VPS54: variants seen among roughly 807,000 people sequenced by gnomAD.
VPS54 encodes the protein vacuolar protein sorting-associated protein 54.
A neutral mutation model predicts 121.5 loss-of-function variants in VPS54; 45 were observed. The ratio of observed to expected loss-of-function variants is 0.37; its 90% CI spans 0.29 to 0.47. VPS54 has a LOEUF of 0.47. Ranked by LOEUF, VPS54 falls within the 20% of genes least tolerant of loss-of-function variation. The probability of loss-of-function intolerance (pLI) is 0.99; values close to 1 mark genes in which losing one functional copy is unlikely to be tolerated. For synonymous variants in VPS54, 371 were observed against 385.8 expected (o/e 0.96, Z 0.45); for missense variants, 1,090 against 1,131.4 (o/e 0.96, Z 0.52).
At chr2:63,938,902 T>C (rs1310597611) in intron 11 of VPS54, among the ~76,000 whole-genome samples, 2 of 152,174 alleles carry the variant, frequency 1.3e-5, no homozygotes, top group Non-Finnish European at 2.9e-5. Flanking sequence ...ATCAGTTAAG[T>C]TTTATGTTTA....
At chr2:63,917,017 G>A (rs1673412412) in intron 15 of VPS54, 54 bp from the exon 16 acceptor site, 1 of 1,576,042 alleles carries the variant, frequency 6.3e-7, no homozygotes, top group Admixed American at 1.7e-5. Flanking sequence ...AAACAAAATA[G>A]AGAAAAAGCT....
Position 63,893,065 on chromosome 2 carries a change from A to C in VPS54, c.*365T>G, listed in dbSNP as rs1433604415. On this transcript the variant is annotated 3_prime_UTR_variant, in exon 23 of 23. Transcript: ENST00000272322. The stretch of plus-strand genomic sequence containing the variant: ...TGGGACACCATATGAATTTCATTGC[A>C]CTGGAAGAAATGCAAAGCATTTTTT... The C allele has an allele frequency of 1.5e-5, 3 of 194,296 alleles. No individual in the cohort carries two copies. The East Asian group carries it at 4.0e-4, about 26-fold the overall frequency. The allele number at this position is 194,296 out of a possible 1,614,324, so 12.0% of individuals were successfully genotyped here. A position where few individuals can be genotyped will look rare whatever the true frequency, so the allele number is the denominator to read the frequency against.
intron 12 of VPS54, among the ~76,000 whole-genome samples, chr2:63,927,962 A>G (rs1673993115): frequency 6.6e-6 from 1 of 152,208 alleles, no homozygotes; most frequent in African/African-American, 2.4e-5. Flanking sequence ...AAGATTAGAG[A>G]AAAAAGAGTG....
intron 11 of VPS54, among the ~76,000 whole-genome samples, chr2:63,938,852 A>C (rs147801670): frequency 6.6e-6 from 1 of 152,344 alleles, no homozygotes; most frequent in African/African-American, 2.4e-5. Context: ...GTAGCACAAT[A>C]GTGCAAATGA....
intron 5 of VPS54, among the ~76,000 whole-genome samples, chr2:63,967,547 C>A (rs532465976): frequency 2.6e-5 from 4 of 151,494 alleles, no homozygotes; most frequent in Non-Finnish European, 1.5e-5. Context: ...GGCAAAACCC[C>A]GTCTCTTCTA....
chr2:63,991,176 A>G (rs1677299947), intron 1 of VPS54, among the ~76,000 whole-genome samples: 1 of 152,234 alleles, frequency 6.6e-6, no homozygotes, highest in African/African-American at 2.4e-5. Context: ...GGGATAAATT[A>G]TGCGCCCCAG....
At chr2:63,926,647 G>A (rs1175160339) in intron 12 of VPS54, among the ~76,000 whole-genome samples, 1 of 152,214 alleles carries the variant, frequency 6.6e-6, no homozygotes, top group Admixed American at 6.5e-5. Context: ...GACAGTGGGT[G>A]CAGCCCATGG....
intron 1 of VPS54, among the ~76,000 whole-genome samples, chr2:63,991,898 A>G (rs766754020): frequency 6.6e-6 from 1 of 152,178 alleles, no homozygotes; most frequent in Non-Finnish European, 1.5e-5. Flanking sequence ...CCTCCACGTT[A>G]GGGGTTGGGG....
chr2:64,004,418 A>C (rs964138288), intron 1 of VPS54, among the ~76,000 whole-genome samples: 1 of 152,220 alleles, frequency 6.6e-6, no homozygotes, highest in African/African-American at 2.4e-5. Context: ...TAGCAACACA[A>C]AGGGGAAAAT....
intron 1 of VPS54, among the ~76,000 whole-genome samples, chr2:64,004,116 T>C (rs1678015173): frequency 6.6e-6 from 1 of 152,140 alleles, no homozygotes; most frequent in African/African-American, 2.4e-5. Flanking sequence ...GCATATTTTT[T>C]TAAAAGTAAT....
chr2:63,949,032 C>T lies in VPS54; in HGVS notation c.1137+5G>A. The T allele has an allele frequency of 6.2e-7, 1 of 1,610,030 alleles. No individual in the cohort carries two copies. The highest frequency in any genetic ancestry group is 8.5e-7 in the Non-Finnish European group (1 of 1,178,734). On this transcript the variant is annotated splice_donor_5th_base_variant and intron_variant, in intron 8 of 22. Transcript: ENST00000272322. ...TCAACTTCATTCCACAGTTAAAACACATACCTCTTCTAAAACTTGACAGTC... is the reference window on the plus strand; with the variant it reads ...TCAACTTCATTCCACAGTTAAAACATATACCTCTTCTAAAACTTGACAGTC...
At chr2:63,907,873 C>G (rs1396500069) in intron 20 of VPS54, among the ~76,000 whole-genome samples, 1 of 152,120 alleles carries the variant, frequency 6.6e-6, no homozygotes, top group Admixed American at 6.6e-5. Flanking sequence ...GAGTATCACT[C>G]CATACACACC....
At chr2:63,956,644 A>C (rs57085982) in intron 7 of VPS54, among the ~76,000 whole-genome samples, 11,375 of 152,220 alleles carry the variant, frequency 0.075, 856 homozygotes, top group African/African-American at 0.2. Flanking sequence ...ACTGTTACTT[A>C]ACTTGCTATA....
intron 6 of VPS54, 72 bp from the exon 7 acceptor site, chr2:63,962,515 C>T: frequency 4.1e-6 from 6 of 1,466,960 alleles, no homozygotes; most frequent in Non-Finnish European, 5.4e-6. Flanking sequence ...TACTTTATGA[C>T]AATGATAAAA....
At chr2:63,942,007 C>A (rs1297131600) in intron 11 of VPS54, among the ~76,000 whole-genome samples, 1 of 138,206 alleles carries the variant, frequency 7.2e-6, no homozygotes, top group Non-Finnish European at 1.5e-5. Flanking sequence ...GCACTCCAGC[C>A]TGGGTAACAG....
At chr2:63,953,900 C>T (rs1264815542) in intron 7 of VPS54, among the ~76,000 whole-genome samples, 1 of 152,116 alleles carries the variant, frequency 6.6e-6, no homozygotes, top group African/African-American at 2.4e-5. Flanking sequence ...AACATAATTC[C>T]TCACTTGTTT....
rs148634596 is a variant in VPS54, at chr2:63,950,275, T to C, written c.1011-1112A>G. Among the ~76,000 whole-genome samples the C allele has an allele frequency of 2.9e-3, 443 of 152,350 alleles. 2 individuals are homozygous for C. The highest frequency in any genetic ancestry group is 0.01 in the African/African-American group (418 of 41,584). On this transcript the variant is annotated intron_variant, in intron 7 of 22. Coordinates refer to ENST00000272322, the MANE Select transcript of VPS54 (RefSeq NM_016516.3). Reference sequence around the variant, plus strand: ...TCAATGGTGTAATCCTTCCAGACTTTCGTGATGTTCTATCGGGGTTCTCTT... The same window carrying C: ...TCAATGGTGTAATCCTTCCAGACTTCCGTGATGTTCTATCGGGGTTCTCTT...
intron 7 of VPS54, among the ~76,000 whole-genome samples, chr2:63,953,432 C>A (rs986461609): frequency 1.3e-5 from 2 of 152,156 alleles, no homozygotes; most frequent in African/African-American, 4.8e-5. Context: ...GCTACCCAGC[C>A]ACCCCTAGGA....
chr2:63,926,930 G>A (rs946054431), intron 12 of VPS54, among the ~76,000 whole-genome samples: 3 of 152,180 alleles, frequency 2.0e-5, no homozygotes, highest in African/African-American at 4.8e-5. Context: ...AGCTTGGTGG[G>A]GGGAGAGGCG....
Sources: allele counts gnomAD v4.1 joint callset (sites outside exome capture counted in the v4.1 genomes callset), GRCh38; gene constraint gnomAD v4.1.1; transcripts MANE v1.5; gene names NCBI Gene and HGNC (gene_info 2026-07-23, HGNC 2026-07-21).